BBS12: variants seen among roughly 807,000 people sequenced by gnomAD.
BBS12 encodes the protein chaperonin-containing T-complex member BBS12.
Under a neutral mutation model 5.6 loss-of-function variants are expected in BBS12, and 5 were observed. The ratio of observed to expected loss-of-function variants is 0.89; its 90% confidence interval spans 0.46 to 1.86. The LOEUF is 1.86. Among genes scored for constraint, BBS12 ranks in the 40% most tolerant of loss-of-function variants. The pLI, the probability that BBS12 is intolerant of heterozygous loss-of-function variation, is 0.01. For synonymous variants in BBS12, 308 were observed against 306.8 expected, an observed-to-expected ratio of 1.00 and a Z score of -0.04; for missense variants, 748 against 830.4, an observed-to-expected ratio of 0.90 and a Z score of 1.22.
At chr4:122,703,907 G>A in the BBS12 span, among the ~76,000 whole-genome samples, 2 of 152,028 alleles carry the variant, frequency 1.3e-5, no homozygotes, top group Admixed American at 1.3e-4. Context: ...TGGAGAGTGG[G>A]GTGCAATGAT....
the BBS12 span, among the ~76,000 whole-genome samples, chr4:122,727,544 A>ATTTTTTTTTTTTGTT: frequency 1.2e-5 from 1 of 82,300 alleles, no homozygotes; most frequent in African/African-American, 6.1e-5. Context: ...CCCCTGGCCA[A>ATTTTTTTTTTTTGTT]TTTTTTTTTT....
At chr4:122,713,478 G>A in the BBS12 span, among the ~76,000 whole-genome samples, 1 of 152,038 alleles carries the variant, frequency 6.6e-6, no homozygotes, top group African/African-American at 2.4e-5. Context: ...ACTCCAGCCT[G>A]GGCAACAAGC....
chr4:122,729,481 T>C (rs533202700), upstream of BBS12: 18 of 152,310 alleles, frequency 1.2e-4, no homozygotes, highest in Admixed American at 1.1e-3. Flanking sequence ...GTTTTATCCA[T>C]AGGGAAGCAG....
upstream of BBS12, chr4:122,730,161 A>T (rs1048990599): frequency 1.3e-5 from 2 of 152,216 alleles, no homozygotes; most frequent in African/African-American, 4.8e-5. Flanking sequence ...GTAACTGACT[A>T]AAAAGCAAAT....
the BBS12 span, among the ~76,000 whole-genome samples, chr4:122,716,332 A>T: frequency 2.0e-5 from 3 of 152,202 alleles, no homozygotes; most frequent in East Asian, 5.8e-4. Context: ...GTGAATAAAA[A>T]GCAAACATTT....
chr4:122,719,859 G>A, the BBS12 span, among the ~76,000 whole-genome samples: 6 of 152,196 alleles, frequency 3.9e-5, 1 homozygote, highest in Admixed American at 6.5e-5. Context: ...AGATGCAGAA[G>A]TATTTTACCC....
chr4:122,736,071 A>G (rs1800779517), intron 1 of BBS12, among the ~76,000 whole-genome samples: 3 of 152,192 alleles, frequency 2.0e-5, no homozygotes, highest in Admixed American at 2.0e-4. Flanking sequence ...GAACATGCAA[A>G]GCATTACAAA....
chr4:122,719,292 TAATCAGCACTCTGTAAAATGGACC>T, the BBS12 span, among the ~76,000 whole-genome samples: 8 of 152,032 alleles, frequency 5.3e-5, no homozygotes, highest in Non-Finnish European at 5.9e-5. Context: ...TAAAATGGAC[TAATCAGCACTCTGTAAAATGGACC>T]AATCAGCAGG....
At chr4:122,741,268 C>A (rs1025729506) in intron 1 of BBS12, among the ~76,000 whole-genome samples, 8 of 152,124 alleles carry the variant, frequency 5.3e-5, no homozygotes. Flanking sequence ...CTCACTGCAA[C>A]CTCCGCCTCC....
At chr4:122,721,992 T>G in the BBS12 span, among the ~76,000 whole-genome samples, 5 of 152,174 alleles carry the variant, frequency 3.3e-5, no homozygotes, top group South Asian at 2.1e-4. Flanking sequence ...CTGACAACAA[T>G]GCAATTCAGT....
chr4:122,717,532 T>G, the BBS12 span, among the ~76,000 whole-genome samples: 6 of 152,212 alleles, frequency 3.9e-5, no homozygotes, highest in Admixed American at 1.3e-4. Context: ...TTTCTGCTTT[T>G]GTTTCTTTTT....
At chr4:122,739,415 G>C (rs1405326874) in intron 1 of BBS12, among the ~76,000 whole-genome samples, 2 of 152,176 alleles carry the variant, frequency 1.3e-5, no homozygotes, top group African/African-American at 4.8e-5. Context: ...ATGTCCCACA[G>C]CACTATAGGA....
chr4:122,712,802 T>C, the BBS12 span, among the ~76,000 whole-genome samples: 1 of 152,158 alleles, frequency 6.6e-6, no homozygotes, highest in African/African-American at 2.4e-5. Flanking sequence ...TTTTGCAAAT[T>C]TGACTCTATG....
chr4:122,714,984 C>G, the BBS12 span, among the ~76,000 whole-genome samples: 2 of 151,824 alleles, frequency 1.3e-5, no homozygotes, highest in Non-Finnish European at 2.9e-5. Context: ...TAGGGCCACC[C>G]AACACCAGAT....
At chr4:122,716,491 T>C in the BBS12 span, among the ~76,000 whole-genome samples, 12 of 149,874 alleles carry the variant, frequency 8.0e-5, no homozygotes, top group African/African-American at 3.0e-4. Flanking sequence ...CAAAATTGGA[T>C]TAGAAAAAAA....
At chr4:122,723,303 A>T in the BBS12 span, among the ~76,000 whole-genome samples, 1 of 152,204 alleles carries the variant, frequency 6.6e-6, no homozygotes, top group Non-Finnish European at 1.5e-5. Flanking sequence ...CTATTCTCTG[A>T]AAGAATTAAA....
At chr4:122,727,886 G>C (rs1011438807), upstream of BBS12, among the ~76,000 whole-genome samples, 9 of 152,000 alleles carry the variant, frequency 5.9e-5, no homozygotes, top group Non-Finnish European at 1.2e-4. Flanking sequence ...ATAGGCAAAG[G>C]ACTTTGTTAG....
the BBS12 span, among the ~76,000 whole-genome samples, chr4:122,715,563 A>T: frequency 6.6e-6 from 1 of 152,060 alleles, no homozygotes; most frequent in South Asian, 2.1e-4. Flanking sequence ...AACGTTTGTG[A>T]TTTCTTATCT....
At chr4:122,729,375 G>A (rs1800669312), upstream of BBS12, 1 of 152,246 alleles carries the variant, frequency 6.6e-6, no homozygotes, top group South Asian at 2.1e-4. Flanking sequence ...GTATGTATGA[G>A]ATTCCGTTTC....
Sources: allele counts gnomAD v4.1 joint callset (sites outside exome capture counted in the v4.1 genomes callset), GRCh38; gene constraint gnomAD v4.1.1; transcripts MANE v1.5; gene names NCBI Gene and HGNC (gene_info 2026-07-23, HGNC 2026-07-21).